The following SEMA3A variants were observed in gnomAD, a reference collection of about 807,000 sequenced individuals.
SEMA3A encodes semaphorin 3A.
In SEMA3A, 29 loss-of-function variants were observed where a neutral mutation model predicts 97.9. That is an observed-to-expected ratio of 0.30 (90% CI 0.22 to 0.40). The LOEUF (loss-of-function observed/expected upper bound fraction) is 0.40. SEMA3A is among the 10% of genes least tolerant of loss of function. SEMA3A has a pLI of 1.00. For missense variants in SEMA3A, 763 were observed against 951.3 expected, an observed-to-expected ratio of 0.80 and a Z score of 2.60; for synonymous variants, 321 against 323.7, an observed-to-expected ratio of 0.99 and a Z score of 0.09.
chr7:84,490,124 A>G lies in SEMA3A; in HGVS notation c.-246+2336T>C, dbSNP rs76914258. On this transcript the variant is annotated intron_variant, in intron 1 of 3. Transcript: ENST00000424555. ...ATTACCTTAATTTTATAGGATATTT[A>G]TTAACAAATTATAATTCCAGTAAAA... Among the ~76,000 whole-genome samples the G allele has an allele frequency of 0.013, 2,015 of 151,332 alleles. 94 individuals carry two copies. In the East Asian group the frequency reaches 0.16, roughly 12 times the overall value.
rs1806685974 is a variant in SEMA3A at position 84,490,223 on chromosome 7, A to C, written c.-246+2237T>G. 2.0e-5 allele frequency among the ~76,000 whole-genome samples: 3 copies of C among 147,552 alleles called. No homozygotes were observed. In the South Asian group the frequency reaches 6.3e-4, roughly 31 times the overall value. ...GCAAAAAAAAAAAAAAAAAAAATTA[A>C]CTGGAAAGACTATAACACCACCACC... is the stretch of plus-strand genomic sequence containing the variant. On this transcript the variant is annotated intron_variant, in intron 1 of 3. Transcript: ENST00000424555.
intron 9 of SEMA3A, 76 bp from the exon 10 acceptor site, chr7:84,007,573 T>G (rs1790718572): frequency 9.2e-7 from 1 of 1,085,604 alleles, no homozygotes; most frequent in Non-Finnish European, 1.2e-6. Flanking sequence ...ACTGAGTTCT[T>G]ACATTTTAGA....
intron 2 of SEMA3A, among the ~76,000 whole-genome samples, chr7:84,311,844 T>A (rs1383485110): frequency 2.6e-5 from 4 of 151,946 alleles, no homozygotes; most frequent in Non-Finnish European, 2.9e-5. Context: ...ATAATAATTA[T>A]TTTTTGAGAT....
At chr7:84,199,708 A>G (rs1798309827), upstream of SEMA3A, among the ~76,000 whole-genome samples, 1 of 152,146 alleles carries the variant, frequency 6.6e-6, no homozygotes, top group Admixed American at 6.5e-5. Flanking sequence ...AGGTTTTTCT[A>G]TACAAGAAAT....
chr7:84,292,217 A>G (rs1188534510), intron 3 of SEMA3A, among the ~76,000 whole-genome samples: 1 of 151,996 alleles, frequency 6.6e-6, no homozygotes, highest in Non-Finnish European at 1.5e-5. Context: ...ATCACCTTCA[A>G]TGCCACTGCA....
chr7:84,070,884 ATTAG>A (rs971558765), intron 4 of SEMA3A, among the ~76,000 whole-genome samples: 24 of 152,064 alleles, frequency 1.6e-4, no homozygotes, highest in South Asian at 2.1e-4. Flanking sequence ...TGCTGATATA[ATTAG>A]TTAGTCTTCC....
chr7:83,976,755 T>C (rs1475822055), intron 15 of SEMA3A, among the ~76,000 whole-genome samples: 2 of 152,010 alleles, frequency 1.3e-5, no homozygotes, highest in African/African-American at 4.8e-5. Flanking sequence ...TTAAGGCATA[T>C]TTTAAGACTG....
intron 4 of SEMA3A, among the ~76,000 whole-genome samples, chr7:84,102,829 C>A (rs555730036): frequency 2.0e-5 from 3 of 152,026 alleles, no homozygotes; most frequent in African/African-American, 7.2e-5. Flanking sequence ...GATCCGCCCA[C>A]CTCAGCCTCC....
intron 4 of SEMA3A, among the ~76,000 whole-genome samples, chr7:84,063,638 A>C (rs371314895): frequency 0.019 from 2,770 of 149,166 alleles, 92 homozygotes; most frequent in African/African-American, 0.064. Context: ...GCCTCAGGAG[A>C]CGATGCGATC....
chr7:84,191,119 T>G (rs1798025913), intron 1 of SEMA3A, among the ~76,000 whole-genome samples: 1 of 151,152 alleles, frequency 6.6e-6, no homozygotes, highest in Non-Finnish European at 1.5e-5. Context: ...TTGCAAATTT[T>G]ACCTCAGAAA....
intron 3 of SEMA3A, among the ~76,000 whole-genome samples, chr7:84,288,099 T>A (rs1235151819): frequency 2.0e-5 from 3 of 152,072 alleles, no homozygotes; most frequent in African/African-American, 7.2e-5. Context: ...CTTAAAATGT[T>A]TACATAGTTA....
chr7:84,203,526 A>ATATATTTTTTTTTTTTTT (rs372380784), intron 3 of SEMA3A, among the ~76,000 whole-genome samples: 1 of 25,674 alleles, frequency 3.9e-5, no homozygotes, highest in Non-Finnish European at 7.1e-5. Context: ...ATATATATAT[A>ATATATTTTTTTTTTTTTT]TTTTTTTTTT....
At chr7:84,414,012 A>G (rs1036463656) in intron 1 of SEMA3A, among the ~76,000 whole-genome samples, 2 of 152,132 alleles carry the variant, frequency 1.3e-5, no homozygotes, top group African/African-American at 2.4e-5. Context: ...TCAAGGTCAC[A>G]TATACTGCTT....
intron 2 of SEMA3A, among the ~76,000 whole-genome samples, chr7:84,131,354 T>C: frequency 6.6e-6 from 1 of 152,188 alleles, no homozygotes; most frequent in Non-Finnish European, 1.5e-5. Context: ...AATTTCTCAG[T>C]TAACTATCTA....
At chr7:84,144,635 T>A (rs1309665589) in intron 1 of SEMA3A, among the ~76,000 whole-genome samples, 5 of 152,134 alleles carry the variant, frequency 3.3e-5, no homozygotes, top group Admixed American at 2.6e-4. Flanking sequence ...CAGCATTATT[T>A]GCCCCCAAAC....
intron 1 of SEMA3A, among the ~76,000 whole-genome samples, chr7:84,381,622 C>T (rs530427599): frequency 2.6e-4 from 39 of 152,234 alleles, no homozygotes; most frequent in African/African-American, 9.1e-4. Context: ...CACAGAATTC[C>T]ACTATTTGAT....
chr7:83,995,205 C>T (rs1002655958), intron 12 of SEMA3A, among the ~76,000 whole-genome samples: 2 of 152,164 alleles, frequency 1.3e-5, no homozygotes, highest in Non-Finnish European at 2.9e-5. Context: ...CACTGACCTG[C>T]ACCCACTGTC....
intron 3 of SEMA3A, among the ~76,000 whole-genome samples, chr7:84,282,328 C>A (rs1025598954): frequency 2.0e-5 from 3 of 152,056 alleles, no homozygotes; most frequent in Admixed American, 6.6e-5. Flanking sequence ...CTTGACCTTG[C>A]CAATTATTTA....
At chr7:84,335,926 C>A (rs536943066) in intron 2 of SEMA3A, among the ~76,000 whole-genome samples, 8 of 151,824 alleles carry the variant, frequency 5.3e-5, no homozygotes, top group Admixed American at 5.2e-4. Flanking sequence ...AGCTATTTTA[C>A]GTGTTTTTTT....
Sources: allele counts gnomAD v4.1 joint callset (sites outside exome capture counted in the v4.1 genomes callset), GRCh38; gene constraint gnomAD v4.1.1; transcripts MANE v1.5; gene names NCBI Gene and HGNC (gene_info 2026-07-23, HGNC 2026-07-21).